The following NFIB variants were observed in gnomAD, a reference collection of about 807,000 sequenced individuals.
NFIB encodes nuclear factor I B.
In NFIB, 11 loss-of-function variants were observed where a neutral mutation model predicts 61.5. That is an observed-to-expected ratio of 0.18 (90% confidence interval 0.11 to 0.30). The LOEUF is 0.30. Among genes scored for constraint, NFIB ranks in the 10% least tolerant of loss-of-function variants. NFIB has a pLI of 1.00. For missense variants in NFIB, 471 were observed against 608.9 expected, an observed-to-expected ratio of 0.77 and a Z score of 2.38; for synonymous variants, 260 against 216.5, an observed-to-expected ratio of 1.20 and a Z score of -1.76.
chr9:14,096,379 G>GCCA (rs2034790404), intron 10 of NFIB: 1 of 152,128 alleles, frequency 6.6e-6, no homozygotes, highest in Non-Finnish European at 1.5e-5. Flanking sequence ...CTCTGAACAG[G>GCCA]CCACCGGTTT....
intron 3 of NFIB, among the ~76,000 whole-genome samples, chr9:14,171,150 C>T (rs2045523555): frequency 6.6e-6 from 1 of 152,172 alleles, no homozygotes. Context: ...TCATGAAACA[C>T]AAATCTGACT....
the NFIB span, among the ~76,000 whole-genome samples, chr9:14,464,010 G>GT: frequency 6.6e-6 from 1 of 152,152 alleles, no homozygotes; most frequent in African/African-American, 2.4e-5. Context: ...GAGGCTGCTT[G>GT]TAACATGTAG....
chr9:14,140,334 A>G (rs1247861754), intron 6 of NFIB, among the ~76,000 whole-genome samples: 2 of 152,166 alleles, frequency 1.3e-5, no homozygotes, highest in Non-Finnish European at 2.9e-5. Context: ...AGAAATCTTG[A>G]GATTATATCA....
intron 1 of NFIB, among the ~76,000 whole-genome samples, chr9:14,343,227 C>T (rs2060973708): frequency 1.3e-5 from 2 of 152,176 alleles, no homozygotes; most frequent in African/African-American, 2.4e-5. Context: ...GGAGAAGTTT[C>T]GTTTCAAGTA....
the NFIB span, among the ~76,000 whole-genome samples, chr9:14,471,837 G>T: frequency 6.6e-6 from 1 of 152,204 alleles, no homozygotes; most frequent in African/African-American, 2.4e-5. Context: ...CTGTTTCCCA[G>T]TTGGGACAAA....
the NFIB span, among the ~76,000 whole-genome samples, chr9:14,506,181 C>A: frequency 6.6e-6 from 1 of 152,100 alleles, no homozygotes; most frequent in Non-Finnish European, 1.5e-5. Flanking sequence ...TGAATACACC[C>A]AACTTCCCAT....
chr9:14,360,514 G>T (rs1024127194), intron 1 of NFIB, among the ~76,000 whole-genome samples: 2 of 150,792 alleles, frequency 1.3e-5, no homozygotes, highest in African/African-American at 2.4e-5. Flanking sequence ...GATTTGGGTG[G>T]AAAAATATTA....
rs2033146252 is a variant in NFIB, at chr9:14,088,117, G to C, written c.*192C>G. The C allele has an allele frequency of 4.4e-5, 55 of 1,261,004 alleles. 1 individual carries two copies. In the South Asian group the frequency reaches 1.1e-3, roughly 26 times the overall value. 78.1% of individuals were successfully genotyped at this position (1,261,004 alleles called of 1,614,324 possible). A position where few individuals can be genotyped will look rare whatever the true frequency, so the allele number is the denominator to read the frequency against. ...TTTCTTTCCTTTCTGCCTTTGTGTT[G>C]TTTTGTCCAGTCTTCCTCTTTTCCT... On this transcript the variant is annotated 3_prime_UTR_variant, in exon 11 of 11. Coordinates refer to ENST00000380953, the MANE Select transcript of NFIB (RefSeq NM_001190737.2).
At position 14,235,301 on chromosome 9, in the gene NFIB, C is replaced by A. The variant is rs111342281; in HGVS notation, c.563-55521G>T. On this transcript the variant is annotated intron_variant, in intron 2 of 10. Coordinates refer to ENST00000380953, the MANE Select transcript of NFIB (RefSeq NM_001190737.2). The stretch of plus-strand genomic sequence containing the variant: ...GGAGGCAAACTGATAGAGGAGAATG[C>A]CTTTTGTGTTTAGGAACTCCCAGTA... 2.8e-3 allele frequency among the ~76,000 whole-genome samples: 423 copies of A among 152,204 alleles called. 4 individuals carry two copies. The highest frequency in any genetic ancestry group is 9.0e-3 in the African/African-American group (372 of 41,532).
chr9:14,413,024 C>A, the NFIB span, among the ~76,000 whole-genome samples: 2 of 152,188 alleles, frequency 1.3e-5, no homozygotes, highest in Non-Finnish European at 2.9e-5. Context: ...TTAACTGGCA[C>A]TGCCATCTCT....
At chr9:14,245,594 C>T (rs995563523) in intron 2 of NFIB, among the ~76,000 whole-genome samples, 1 of 152,096 alleles carries the variant, frequency 6.6e-6, no homozygotes, top group Admixed American at 6.5e-5. Context: ...TACACATGGC[C>T]GGGCTCAGTG....
At chr9:14,321,857 A>G in intron 1 of NFIB, 6 of 1,228,910 alleles carry the variant, frequency 4.9e-6, no homozygotes, top group Non-Finnish European at 6.1e-6. Context: ...CAAACAGGAA[A>G]AGAAAAACTG....
At chr9:14,510,403 A>G in the NFIB span, among the ~76,000 whole-genome samples, 9 of 152,216 alleles carry the variant, frequency 5.9e-5, no homozygotes, top group African/African-American at 1.7e-4. Context: ...AATAGACTCA[A>G]TTTTCTTTGA....
intron 1 of NFIB, among the ~76,000 whole-genome samples, chr9:14,397,722 TTACCC>T (rs1441077458): frequency 6.6e-6 from 1 of 152,200 alleles, no homozygotes; most frequent in East Asian, 1.9e-4. Context: ...TGCCTAACCT[TTACCC>T]CACTGAGGTG....
intron 1 of NFIB, among the ~76,000 whole-genome samples, chr9:14,380,695 T>C (rs936453583): frequency 1.6e-4 from 25 of 152,140 alleles, no homozygotes; most frequent in African/African-American, 5.3e-4. Flanking sequence ...TAAACTATTT[T>C]GGAGAGTAGC....
At chr9:14,265,464 G>C (rs190201510) in intron 2 of NFIB, among the ~76,000 whole-genome samples, 1 of 152,310 alleles carries the variant, frequency 6.6e-6, no homozygotes, top group East Asian at 1.9e-4. Flanking sequence ...TCTGCCATGT[G>C]AGAACACAAT....
At chr9:14,204,417 G>A in intron 2 of NFIB, 1 of 1,142,744 alleles carries the variant, frequency 8.8e-7, no homozygotes, top group Non-Finnish European at 1.3e-6. Context: ...TTTGTGAAAT[G>A]GCCCCGCTAT....
intron 2 of NFIB, among the ~76,000 whole-genome samples, chr9:14,254,242 A>T (rs912441391): frequency 1.3e-5 from 2 of 152,102 alleles, no homozygotes; most frequent in Non-Finnish European, 1.5e-5. Context: ...TAGAGGTTGC[A>T]GCGAGCCATG....
chr9:14,423,040 C>G, the NFIB span, among the ~76,000 whole-genome samples: 2 of 152,298 alleles, frequency 1.3e-5, no homozygotes, highest in Non-Finnish European at 2.9e-5. Context: ...ATGATCATTT[C>G]TATCTCTATT....
Sources: gnomAD v4.1 joint callset for allele counts (sites outside exome capture counted in the v4.1 genomes callset) on GRCh38, gnomAD v4.1.1 for gene constraint, MANE v1.5 for transcripts, NCBI Gene and HGNC (gene_info 2026-07-23, HGNC 2026-07-21) for gene names.